The following STAB2 variants were observed in gnomAD, a reference collection of about 807,000 sequenced individuals.
The protein encoded by STAB2 is stabilin-2.
STAB2 carries 288 observed loss-of-function variants against 338.1 expected under a neutral mutation model. The ratio of observed to expected loss-of-function variants is 0.85; its 90% CI spans 0.77 to 0.94. The LOEUF (loss-of-function observed/expected upper bound fraction) is 0.94. Among genes scored for constraint, STAB2 ranks in the 40% least tolerant of loss-of-function variants. The pLI is 0.00. For synonymous variants in STAB2, 1,202 were observed against 1,193.3 expected (o/e 1.01, Z -0.15); for missense variants, 3,141 against 3,210.1 (o/e 0.98, Z 0.52).
chr12:103,657,227 A>T (rs1874258892), intron 15 of STAB2, among the ~76,000 whole-genome samples: 1 of 7,852 alleles, frequency 1.3e-4, no homozygotes, highest in Non-Finnish European at 3.2e-4. Context: ...AAAGTGAGCT[A>T]AAAAAAAAAA....
chr12:103,713,736 C>A lies in STAB2; in HGVS notation c.4505C>A (p.Ala1502Glu), dbSNP rs1466310726. ...TPGRRVCTCK[A>E]GYTGDGIVCL... ...GGAAGGCGAGTGTGCACGTGCAAAG[C>A]AGGCTACACGGGTGATGGCATTGTG... The change falls in exon 42 of 69, where the codon GCA becomes GAA. Residue 1502 changes from alanine to glutamate, a missense_variant. Coordinates refer to ENST00000388887, the MANE Select transcript of STAB2 (RefSeq NM_017564.10). 6.2e-7 allele frequency: 1 copy of A among 1,614,028 alleles called. No homozygotes were observed. The highest frequency in any genetic ancestry group is 2.2e-5 in the East Asian group (1 of 44,870).
chr12:103,737,804 A>G, intron 53 of STAB2, 24 bp downstream of exon 53: 1 of 1,612,998 alleles, frequency 6.2e-7, no homozygotes, highest in East Asian at 2.2e-5. Flanking sequence ...ACAACAGTGT[A>G]GTAAGAGAAC....
At chr12:103,765,928 ATAT>A (rs1362815543) in intron 68 of STAB2, 6 of 368,820 alleles carry the variant, frequency 1.6e-5, no homozygotes, top group South Asian at 4.3e-5. Flanking sequence ...AGTTTTTATA[ATAT>A]TATTAGCCAC....
At chr12:103,707,294 C>T (rs917401695) in intron 38 of STAB2, among the ~76,000 whole-genome samples, 8 of 152,330 alleles carry the variant, frequency 5.3e-5, no homozygotes, top group Admixed American at 4.6e-4. Context: ...CTAAACTTTC[C>T]ATTGTGGACA....
chr12:103,656,750 A>C (rs908905959), intron 15 of STAB2, among the ~76,000 whole-genome samples: 1 of 146,046 alleles, frequency 6.8e-6, no homozygotes, highest in Non-Finnish European at 1.5e-5. Context: ...GCAGTGGCGC[A>C]ATCTCGGCTC....
intron 25 of STAB2, 85 bp from the exon 26 acceptor site, chr12:103,683,120 G>A (rs1877075058): frequency 8.3e-7 from 1 of 1,207,020 alleles, no homozygotes; most frequent in Non-Finnish European, 1.2e-6. Flanking sequence ...AGTTTCCATA[G>A]TACGTTTCTC....
At chr12:103,624,121 C>T (rs561190776) in intron 5 of STAB2, among the ~76,000 whole-genome samples, 1 of 152,310 alleles carries the variant, frequency 6.6e-6, no homozygotes, top group East Asian at 1.9e-4. Flanking sequence ...CAACACATCC[C>T]ACCCCCATAA....
rs1163539081 is a variant in STAB2 at position 103,610,593 on chromosome 12, T to C, written c.332-9875T>C. Among the ~76,000 whole-genome samples the C allele has an allele frequency of 1.2e-4, 19 of 152,310 alleles. No individual in the cohort carries two copies. In the South Asian group the frequency reaches 3.1e-3, roughly 25 times the overall value. The stretch of plus-strand genomic sequence containing the variant: ...TCTTCTCTCTTTTCTTCTTTATTAA[T>C]CTTGCTAGCGGTCTATCAATTTTGT... On this transcript the variant is annotated intron_variant, in intron 3 of 68. Transcript: ENST00000388887.
chr12:103,755,135 T>C (rs1052897318), intron 61 of STAB2, 167 bp from the exon 62 acceptor site: 22 of 863,244 alleles, frequency 2.5e-5, no homozygotes, highest in Non-Finnish European at 3.8e-5. Flanking sequence ...GCTCAATCAA[T>C]CAGTCAACAT....
chr12:103,590,647 G>A lies in STAB2; in HGVS notation c.82-250G>A, dbSNP rs571038271. Among the ~76,000 whole-genome samples the A allele has an allele frequency of 2.0e-5, 3 of 152,240 alleles. No individual in the cohort carries two copies. The South Asian group carries it at 6.2e-4, about 32-fold the overall frequency. On this transcript the variant is annotated intron_variant, in intron 1 of 68. Transcript: ENST00000388887. ...GATTTCAGACTCTATCTCAGGTATG[G>A]CAAATGTATGGTACAAACAGTGGCT...
rs752930976 is a variant in STAB2 at position 103,690,536 on chromosome 12, G to A, written c.3295G>A (p.Gly1099Arg). 1.2e-6 allele frequency: 2 copies of A among 1,613,480 alleles called. No homozygotes were observed. Among genetic ancestry groups the A allele is most frequent in the South Asian group, 1.1e-5 (1 of 91,016 alleles). ...GNFLHLAKVD[G>R]NITIEGASIV... ...CTTCCTTCACTTGGCAAAGGTGGAT[G>A]GGGTAAGAGCTCTGGAATTTGTCTG... Residue 1099 changes from glycine to arginine, a missense_variant and splice_region_variant, in exon 30 of 69, where the codon GGG (glycine) becomes AGG (arginine). By Grantham distance (125) the Gly-to-Arg change is moderately radical. Coordinates refer to ENST00000388887, the MANE Select transcript of STAB2 (RefSeq NM_017564.10).
intron 53 of STAB2, 67 bp downstream of exon 53, chr12:103,737,847 G>A: frequency 6.3e-7 from 1 of 1,590,210 alleles, no homozygotes; most frequent in African/African-American, 1.3e-5. Context: ...ATGATCCAGT[G>A]TGGACCCTGT....
chr12:103,624,266 A>T (rs1320355168), intron 5 of STAB2, among the ~76,000 whole-genome samples: 2 of 152,216 alleles, frequency 1.3e-5, no homozygotes, highest in African/African-American at 4.8e-5. Flanking sequence ...CCTGGTAGAC[A>T]CTCACTACAC....
At chr12:103,719,462 A>C (rs747916633) in intron 44 of STAB2, among the ~76,000 whole-genome samples, 2 of 152,202 alleles carry the variant, frequency 1.3e-5, no homozygotes, top group East Asian at 3.8e-4. Flanking sequence ...TAGAGGACCA[A>C]ATCCAAAATT....
chr12:103,610,620 G>T (rs2138596035), intron 3 of STAB2, among the ~76,000 whole-genome samples: 1 of 151,984 alleles, frequency 6.6e-6, no homozygotes, highest in Middle Eastern at 3.4e-3. Flanking sequence ...CAATTTTGTT[G>T]ATCTTTTCAA....
At chr12:103,719,052 G>C (rs370662586) in intron 44 of STAB2, among the ~76,000 whole-genome samples, 1 of 152,188 alleles carries the variant, frequency 6.6e-6, no homozygotes, top group African/African-American at 2.4e-5. Context: ...TGCAAACGAG[G>C]AGTTTACTCA....
chr12:103,614,662 C>A (rs1396028667), intron 3 of STAB2, among the ~76,000 whole-genome samples: 1 of 152,178 alleles, frequency 6.6e-6, no homozygotes, highest in African/African-American at 2.4e-5. Context: ...CACATCAGAA[C>A]CTTTCTGAAG....
At chr12:103,745,373 A>T in intron 57 of STAB2, 96 bp downstream of exon 57, 1 of 1,144,062 alleles carries the variant, frequency 8.7e-7, no homozygotes, top group South Asian at 1.6e-5. Context: ...GTGACATCTG[A>T]AAAAAGTGAC....
chr12:103,670,319 A>G (rs1014416853), intron 21 of STAB2, among the ~76,000 whole-genome samples: 18 of 152,194 alleles, frequency 1.2e-4, no homozygotes, highest in Non-Finnish European at 1.0e-4. Context: ...AAATATGTTT[A>G]CCACTGAAGA....
Sources: allele counts gnomAD v4.1 joint callset (sites outside exome capture counted in the v4.1 genomes callset), GRCh38; gene constraint gnomAD v4.1.1; transcripts MANE v1.5; gene names NCBI Gene and HGNC (gene_info 2026-07-23, HGNC 2026-07-21).